Variants in UNC13C observed in about 807,000 individuals in gnomAD.
UNC13C encodes the protein unc-13 homolog C, also known as protein unc-13 homolog C.
Under a neutral mutation model 245.4 loss-of-function variants are expected in UNC13C, and 174 were observed. The observed-to-expected ratio is 0.71, with a 90% CI of 0.63 to 0.80. The LOEUF (loss-of-function observed/expected upper bound fraction) is 0.80, where lower values mean the gene tolerates loss of function less well. UNC13C is among the 30% of genes least tolerant of loss of function. The probability of loss-of-function intolerance (pLI) is 0.00; values close to 1 mark genes in which losing one functional copy is unlikely to be tolerated. For synonymous variants in UNC13C, 992 were observed against 895.1 expected (o/e 1.11, Z -1.93); for missense variants, 2,829 against 2,602.9 (o/e 1.09, Z -1.89).
intron 10 of UNC13C, among the ~76,000 whole-genome samples, chr15:54,276,774 A>G (rs2036844566): frequency 6.6e-6 from 1 of 151,944 alleles, no homozygotes; most frequent in South Asian, 2.1e-4. Flanking sequence ...ATTTTTCCCC[A>G]TTAGTCTTAC....
rs766792240 is a variant in UNC13C at position 54,013,644 on chromosome 15, T to C, written c.741T>C (p.Phe247=). The C allele has an allele frequency of 5.0e-6, 8 of 1,613,690 alleles. No individual in the cohort carries two copies. In the South Asian group the frequency reaches 7.7e-5, roughly 16 times the overall value. Residue 247 remains phenylalanine (F), a synonymous_variant, in exon 2 of 33, where the codon TTT becomes TTC. Transcript: ENST00000260323. ...SQTHDVMEMI[F]KELQGISQIE... ...CACATGATGTCATGGAAATGATCTT[T>C]AAGGAACTTCAGGGAATAAGTCAGA...
chr15:54,075,230 A>C (rs866921025), intron 2 of UNC13C, among the ~76,000 whole-genome samples: 25 of 152,220 alleles, frequency 1.6e-4, no homozygotes, highest in Middle Eastern at 3.4e-3. Flanking sequence ...TCATGCCTGT[A>C]ATCCCAGCAC....
rs759462984 is a variant in UNC13C at position 54,627,127 on chromosome 15, AG to A, written c.*15del. On this transcript the variant is annotated 3_prime_UTR_variant, in exon 33 of 33. Coordinates refer to ENST00000260323, the MANE Select transcript of UNC13C (RefSeq NM_001080534.3). ...GAGAGTGCTTGAAACAAACACTGCA[AG>A]CTAAATACATAACTATAATTGTTTG... 77 of 1,595,730 alleles carry A rather than the reference AG, an allele frequency of 4.8e-5. No homozygotes were observed. Among genetic ancestry groups the A allele is most frequent in the Non-Finnish European group, 6.4e-5 (75 of 1,170,522 alleles).
chr15:53,980,615 G>A (rs905107658), intron 1 of UNC13C, among the ~76,000 whole-genome samples: 6 of 152,124 alleles, frequency 3.9e-5, no homozygotes, highest in South Asian at 2.1e-4. Context: ...AATTGCCAAT[G>A]TTTTTTCAGT....
chr15:54,539,000 G>A (rs1896123729), intron 26 of UNC13C, among the ~76,000 whole-genome samples: 1 of 151,892 alleles, frequency 6.6e-6, no homozygotes, highest in Admixed American at 6.6e-5. Flanking sequence ...ATTTAAATAA[G>A]AGTTGGAAAG....
intron 13 of UNC13C, among the ~76,000 whole-genome samples, chr15:54,320,072 A>T (rs1324950880): frequency 6.6e-6 from 1 of 152,020 alleles, no homozygotes; most frequent in Non-Finnish European, 1.5e-5. Context: ...AGAATTGCTT[A>T]CAGAAGATAT....
At chr15:54,118,547 G>C (rs1403208976) in intron 2 of UNC13C, among the ~76,000 whole-genome samples, 1 of 151,908 alleles carries the variant, frequency 6.6e-6, no homozygotes, top group East Asian at 1.9e-4. Context: ...ATAATTTTTT[G>C]GTGGAGTCTA....
the UNC13C span, among the ~76,000 whole-genome samples, chr15:53,922,058 T>G: frequency 1.3e-5 from 2 of 152,210 alleles, no homozygotes; most frequent in African/African-American, 2.4e-5. Context: ...AGCATTTATG[T>G]TTGTAAGCAT....
At chr15:53,870,871 C>T in the UNC13C span, among the ~76,000 whole-genome samples, 4 of 152,200 alleles carry the variant, frequency 2.6e-5, no homozygotes, top group Non-Finnish European at 5.9e-5. Context: ...TACTTCTACT[C>T]TAGGATGCTT....
At chr15:54,084,821 C>G (rs1181873804) in intron 2 of UNC13C, among the ~76,000 whole-genome samples, 2 of 152,142 alleles carry the variant, frequency 1.3e-5, no homozygotes, top group Non-Finnish European at 2.9e-5. Flanking sequence ...CATTTGGTCA[C>G]TCTTTTTTGT....
At chr15:54,321,030 C>G (rs1321267114) in intron 13 of UNC13C, 1 of 457,764 alleles carries the variant, frequency 2.2e-6, no homozygotes, top group African/African-American at 2.0e-5. Flanking sequence ...ACGTTTCCTC[C>G]ATGACCAAAG....
intron 2 of UNC13C, among the ~76,000 whole-genome samples, chr15:54,131,713 C>T (rs1225510052): frequency 6.6e-6 from 1 of 152,140 alleles, no homozygotes; most frequent in African/African-American, 2.4e-5. Flanking sequence ...GATCTTGGAA[C>T]ATATCCCCGC....
chr15:54,132,807 A>C (rs2031509697), intron 2 of UNC13C, among the ~76,000 whole-genome samples: 1 of 152,212 alleles, frequency 6.6e-6, no homozygotes, highest in Admixed American at 6.5e-5. Context: ...AATTATCACC[A>C]GTGGGAAATT....
At chr15:54,392,942 T>C (rs983731964) in intron 17 of UNC13C, 106 bp from the exon 18 acceptor site, 65 of 1,325,778 alleles carry the variant, frequency 4.9e-5, no homozygotes, top group Non-Finnish European at 6.2e-5. Flanking sequence ...AATCTAAGTT[T>C]CATTTCCACA....
chr15:54,565,596 C>A (rs1165105955), intron 29 of UNC13C, among the ~76,000 whole-genome samples: 6 of 151,876 alleles, frequency 4.0e-5, no homozygotes, highest in Non-Finnish European at 8.8e-5. Flanking sequence ...GTGAGAGAAC[C>A]AGGTAAGATG....
chr15:54,344,970 A>G (rs1189630025), intron 17 of UNC13C, among the ~76,000 whole-genome samples: 1 of 143,956 alleles, frequency 6.9e-6, no homozygotes, highest in East Asian at 2.0e-4. Context: ...TTAAAAAAGG[A>G]AGTCAGATTA....
chr15:54,204,810 A>C (rs1241622426), intron 4 of UNC13C, among the ~76,000 whole-genome samples: 1 of 152,090 alleles, frequency 6.6e-6, no homozygotes. Flanking sequence ...AGGGAAAAAG[A>C]GAATATTTGG....
chr15:53,867,414 G>A, the UNC13C span, among the ~76,000 whole-genome samples: 12 of 152,144 alleles, frequency 7.9e-5, no homozygotes, highest in Admixed American at 5.9e-4. Context: ...CCCTTCTTAG[G>A]GAGGCATCCA....
the UNC13C span, among the ~76,000 whole-genome samples, chr15:53,955,486 G>C: frequency 2.0e-5 from 3 of 152,168 alleles, no homozygotes; most frequent in Admixed American, 2.0e-4. Flanking sequence ...AGTTGAAACT[G>C]CTCCAGCCAA....
Sources: gnomAD v4.1 joint callset for allele counts (sites outside exome capture counted in the v4.1 genomes callset) on GRCh38, gnomAD v4.1.1 for gene constraint, MANE v1.5 for transcripts, NCBI Gene and HGNC (gene_info 2026-07-23, HGNC 2026-07-21) for gene names.